KCNH7: variants seen among roughly 807,000 people sequenced by gnomAD.
KCNH7 encodes voltage-gated inwardly rectifying potassium channel KCNH7.
A neutral mutation model predicts 120.8 loss-of-function variants in KCNH7; 49 were observed. The ratio of observed to expected loss-of-function variants is 0.41; its 90% CI spans 0.32 to 0.51. The LOEUF is 0.51. Among genes scored for constraint, KCNH7 ranks in the 20% least tolerant of loss-of-function variants. The pLI is 0.38. For missense variants in KCNH7, 1,097 were observed against 1,446.6 expected (o/e 0.76, Z 3.92); for synonymous variants, 547 against 516.1 (o/e 1.06, Z -0.81).
At chr2:162,492,182 A>G (rs1574024105) in intron 6 of KCNH7, among the ~76,000 whole-genome samples, 1 of 152,192 alleles carries the variant, frequency 6.6e-6, no homozygotes, top group East Asian at 1.9e-4. Context: ...AATGGAAAAA[A>G]GGATTTGTGC....
At chr2:162,758,484 A>G (rs769481839) in intron 2 of KCNH7, among the ~76,000 whole-genome samples, 1 of 152,070 alleles carries the variant, frequency 6.6e-6, no homozygotes, top group Non-Finnish European at 1.5e-5. Flanking sequence ...ATACACACAC[A>G]TATTGTTTAT....
At chr2:162,688,722 T>A (rs1489922148) in intron 2 of KCNH7, among the ~76,000 whole-genome samples, 1 of 149,998 alleles carries the variant, frequency 6.7e-6, no homozygotes, top group African/African-American at 2.5e-5. Flanking sequence ...TAACCTCTCC[T>A]GCCCCCATTC....
chr2:162,813,529 T>G (rs750943955), intron 2 of KCNH7, among the ~76,000 whole-genome samples: 1 of 152,192 alleles, frequency 6.6e-6, no homozygotes, highest in Non-Finnish European at 1.5e-5. Context: ...ATTCATTCTC[T>G]CCCAATTATT....
rs767235187 is a variant in KCNH7 at position 162,512,671 on chromosome 2, T to C, written c.896A>G (p.Asn299Ser). The C allele has an allele frequency of 1.9e-6, 3 of 1,608,354 alleles. No individual in the cohort carries two copies. Among genetic ancestry groups the C allele is most frequent in the Admixed American group, 3.4e-5 (2 of 59,670 alleles). Residue 299 changes from asparagine to serine, a missense_variant, in exon 5 of 16, where the codon AAT becomes AGT. Around this residue, in one of 8 missense-constraint regions of KCNH7, gnomAD observed 362 missense variants for 372.2 expected, o/e 0.97. Transcript: ENST00000332142. ...IFRDRHASEDNGRNVKGPFNH... is the reference protein window; with the variant it reads ...IFRDRHASEDSGRNVKGPFNH... The stretch of plus-strand genomic sequence containing the variant: ...TACATTACCTTTGACATTGCGACCA[T>C]TGTCTGTTTTGAGCACATAAGGATA...
chr2:162,551,536 G>T (rs1303369168), intron 2 of KCNH7, among the ~76,000 whole-genome samples: 2 of 151,376 alleles, frequency 1.3e-5, no homozygotes, highest in East Asian at 1.9e-4. Context: ...ATTACTTGAA[G>T]ATTAAAAAAA....
chr2:162,524,863 T>C (rs1691645788), intron 3 of KCNH7, among the ~76,000 whole-genome samples: 1 of 151,962 alleles, frequency 6.6e-6, no homozygotes, highest in Non-Finnish European at 1.5e-5. Flanking sequence ...GGAAGGTATA[T>C]GACGTTGCCT....
intron 2 of KCNH7, among the ~76,000 whole-genome samples, chr2:162,565,340 G>A (rs951889392): frequency 1.2e-4 from 18 of 151,800 alleles, no homozygotes; most frequent in African/African-American, 3.6e-4. Context: ...ACTAGTCCTA[G>A]GAAAATCTCC....
chr2:162,664,885 C>A (rs1005954488), intron 2 of KCNH7, among the ~76,000 whole-genome samples: 1 of 152,102 alleles, frequency 6.6e-6, no homozygotes, highest in African/African-American at 2.4e-5. Flanking sequence ...GCTTCCCAGC[C>A]CTTCACAAAG....
chr2:162,455,617 T>A (rs1284464130), intron 6 of KCNH7, among the ~76,000 whole-genome samples: 1 of 152,152 alleles, frequency 6.6e-6, no homozygotes, highest in Non-Finnish European at 1.5e-5. Flanking sequence ...ATTTCAGAAC[T>A]TGTTATCAGT....
intron 2 of KCNH7, among the ~76,000 whole-genome samples, chr2:162,719,425 GT>G (rs1201540595): frequency 6.6e-6 from 1 of 151,880 alleles, no homozygotes; most frequent in African/African-American, 2.4e-5. Context: ...ATTCTAAAAG[GT>G]AGAAATGTCA....
intron 6 of KCNH7, among the ~76,000 whole-genome samples, chr2:162,472,169 T>G (rs1189308128): frequency 6.6e-6 from 1 of 152,190 alleles, no homozygotes; most frequent in Non-Finnish European, 1.5e-5. Flanking sequence ...ATTCAGGACA[T>G]ACGCATGGGC....
At chr2:162,562,155 C>A (rs1693094039) in intron 2 of KCNH7, among the ~76,000 whole-genome samples, 1 of 152,010 alleles carries the variant, frequency 6.6e-6, no homozygotes, top group Non-Finnish European at 1.5e-5. Context: ...CACATGTATA[C>A]CTATGTAACA....
chr2:162,698,694 T>C (rs1686384455), intron 2 of KCNH7, among the ~76,000 whole-genome samples: 1 of 152,082 alleles, frequency 6.6e-6, no homozygotes, highest in Admixed American at 6.6e-5. Context: ...TCTCTTCAGT[T>C]CTCCTCAATG....
intron 12 of KCNH7, among the ~76,000 whole-genome samples, chr2:162,393,679 G>A (rs1008524203): frequency 4.0e-5 from 6 of 151,874 alleles, no homozygotes; most frequent in African/African-American, 1.4e-4. Flanking sequence ...ATCAGCATGA[G>A]GCAAGAGTCA....
chr2:162,620,020 T>C (rs1219883118), intron 2 of KCNH7, among the ~76,000 whole-genome samples: 1 of 151,694 alleles, frequency 6.6e-6, no homozygotes, highest in Non-Finnish European at 1.5e-5. Context: ...ACCTGTGCTG[T>C]TCTCAGACCC....
chr2:162,469,737 TG>T (rs1170244066), intron 6 of KCNH7, among the ~76,000 whole-genome samples: 1 of 146,668 alleles, frequency 6.8e-6, no homozygotes, highest in Non-Finnish European at 1.5e-5. Context: ...TCTCTTTCCA[TG>T]GTCTCCCTCT....
chr2:162,683,128 C>T (rs753767055), intron 2 of KCNH7, among the ~76,000 whole-genome samples: 1 of 151,618 alleles, frequency 6.6e-6, no homozygotes, highest in Non-Finnish European at 1.5e-5. Context: ...CTAAATGAAC[C>T]AGAACTCTTT....
At chr2:162,584,430 A>G (rs988503766) in intron 2 of KCNH7, among the ~76,000 whole-genome samples, 2 of 152,138 alleles carry the variant, frequency 1.3e-5, no homozygotes, top group East Asian at 3.9e-4. Context: ...AAATGTACCA[A>G]TATCTCAAAT....
At chr2:162,712,305 TTC>T (rs1326262307) in intron 2 of KCNH7, among the ~76,000 whole-genome samples, 1 of 152,054 alleles carries the variant, frequency 6.6e-6, no homozygotes, top group Admixed American at 6.6e-5. Context: ...CACCTGTTGG[TTC>T]TCTTTGTGAA....
Sources: gnomAD v4.1 joint callset for allele counts (sites outside exome capture counted in the v4.1 genomes callset) on GRCh38, gnomAD v4.1.1 for gene constraint, gnomAD v4.1.1 regional missense constraint, MANE v1.5 for transcripts, NCBI Gene and HGNC (gene_info 2026-07-23, HGNC 2026-07-21) for gene names.